The following DHRS12 variants were observed in gnomAD, a reference collection of about 807,000 sequenced individuals.
The protein encoded by DHRS12 is dehydrogenase/reductase SDR family member 12.
DHRS12 carries 29 observed loss-of-function variants against 32.1 expected under a neutral mutation model. The ratio of observed to expected loss-of-function variants is 0.90; its 90% CI spans 0.67 to 1.23. The LOEUF (loss-of-function observed/expected upper bound fraction) is 1.23, where lower values mean the gene tolerates loss of function less well. Among genes scored for constraint, DHRS12 ranks in the 50% most tolerant of loss-of-function variants. DHRS12 has a pLI of 0.00. For missense variants in DHRS12, 330 were observed against 337.2 expected (o/e 0.98, Z 0.17); for synonymous variants, 150 against 135.9 (o/e 1.10, Z -0.72).
chr13:51,799,726 GC>G, intron 1 of DHRS12, 59 bp from the exon 2 acceptor site: 3 of 1,580,634 alleles, frequency 1.9e-6, no homozygotes, highest in Non-Finnish European at 2.6e-6. Context: ...ACAAACCCCT[GC>G]AGGAGAAAGC....
the DHRS12 span, among the ~76,000 whole-genome samples, chr13:51,758,658 AGAAAT>A: frequency 1.4e-4 from 21 of 152,202 alleles, no homozygotes; most frequent in Non-Finnish European, 2.9e-5. Flanking sequence ...CTCTACACAA[AGAAAT>A]AAGACAGAGC....
intron 2 of DHRS12, among the ~76,000 whole-genome samples, chr13:51,791,878 T>C (rs1365743825): frequency 3.3e-5 from 5 of 152,256 alleles, no homozygotes; most frequent in Admixed American, 6.5e-5. Flanking sequence ...GCCTGGCTTA[T>C]TGAACTTGGG....
Position 51,777,119 on chromosome 13 carries a change from C to T in DHRS12, c.304G>A (p.Val102Met), listed in dbSNP as rs1166818770. ...EKNFAANTLG[V>M]YILTTGLIPV... ...ATCAGGCCGGTCGTGAGAATGTACACACCTGAGGCAGCACACAGCATCCCA... is the reference window on the plus strand; with the variant it reads ...ATCAGGCCGGTCGTGAGAATGTACATACCTGAGGCAGCACACAGCATCCCA... The change falls in exon 5 of 9, where the codon GTG (valine) becomes ATG (methionine). Residue 102 changes from valine to methionine, a missense_variant and splice_region_variant. Transcript: ENST00000444610. 3 of 1,613,928 alleles carry T rather than the reference C, an allele frequency of 1.9e-6. No homozygotes were observed. The Admixed American group carries it at 5.0e-5, about 27-fold the overall frequency.
At chr13:51,777,273 T>C in intron 4 of DHRS12, 152 bp from the exon 5 acceptor site, 7 of 720,540 alleles carry the variant, frequency 9.7e-6, no homozygotes, top group South Asian at 1.7e-5. Flanking sequence ...CCGAGGATCC[T>C]TCAAGCCAAA....
At chr13:51,764,646 C>T (rs1258927478), downstream of DHRS12, 1 of 152,270 alleles carries the variant, frequency 6.6e-6, no homozygotes, top group African/African-American at 2.4e-5. Flanking sequence ...AGAGGCTCCT[C>T]CTGCAGCCAA....
chr13:51,783,178 C>T (rs889993276), intron 4 of DHRS12, among the ~76,000 whole-genome samples: 11 of 152,260 alleles, frequency 7.2e-5, no homozygotes, highest in Middle Eastern at 3.4e-3. Context: ...CTCCTTAGGA[C>T]GGCTCCCCGG....
In DHRS12 at chr13:51,802,169, TCACACACACACA is replaced by T. The variant is rs56270918; in HGVS notation, c.-9+1873_-9+1884del. Reference sequence around the variant, plus strand: ...GTCTCTAGATATCAGTCTCTATTTTTCACACACACACACACACACACACACACACACACACAC... The same window carrying T: ...GTCTCTAGATATCAGTCTCTATTTTTCACACACACACACACACACACACAC... On this transcript the variant is annotated intron_variant, in intron 1 of 8. Coordinates refer to ENST00000444610, the MANE Select transcript of DHRS12 (RefSeq NM_001377533.1). Among the ~76,000 whole-genome samples the T allele has an allele frequency of 8.2e-3, 1,148 of 139,832 alleles. 5 individuals are homozygous for T. Among genetic ancestry groups the T allele is most frequent in the East Asian group, 0.018 (84 of 4,658 alleles). The allele number at this position is 139,832 out of a possible 152,430, so 91.7% of individuals were successfully genotyped here.
At chr13:51,773,121 A>G (rs1954113365) in intron 6 of DHRS12, 6 of 941,742 alleles carry the variant, frequency 6.4e-6, no homozygotes, top group Non-Finnish European at 7.6e-6. Flanking sequence ...GCAGAGATAC[A>G]GCAGTACAGG....
chr13:51,789,463 G>T, intron 4 of DHRS12: 1 of 821,244 alleles, frequency 1.2e-6, no homozygotes. Context: ...AGATCTGGGT[G>T]GGGAATCTAA....
downstream of DHRS12, chr13:51,767,148 A>AAAT (rs1349866615): frequency 2.6e-5 from 4 of 152,256 alleles, no homozygotes; most frequent in African/African-American, 7.2e-5. Flanking sequence ...TGGAGAAGAA[A>AAAT]AATAGGTGCA....
In DHRS12 at chr13:51,773,972, T is replaced by C; in HGVS notation, c.426A>G (p.Glu142=). 1 of 1,614,114 alleles carries C rather than the reference T, an allele frequency of 6.2e-7. No homozygotes were observed. Among genetic ancestry groups the C allele is most frequent in the African/African-American group, 1.3e-5 (1 of 75,034 alleles). ...QKLNTNDLQS[E]RTPFDGTMVY... ...CCATAGTTCCATCAAATGGTGTTCT[T>C]TCGGACTGGAGATCATTGGTGTTCA... The change falls in exon 6 of 9, where the codon GAA becomes GAG. Residue 142 remains glutamate (E), a synonymous_variant. Transcript: ENST00000444610.
At chr13:51,777,516 A>C (rs949000977) in intron 4 of DHRS12, 1 of 199,656 alleles carries the variant, frequency 5.0e-6, no homozygotes, top group Non-Finnish European at 1.0e-5. Flanking sequence ...ATTCAGTAAA[A>C]TTTTTCCTTC....
At chr13:51,802,022 T>C (rs1212540722) in intron 1 of DHRS12, among the ~76,000 whole-genome samples, 1 of 152,224 alleles carries the variant, frequency 6.6e-6, no homozygotes, top group Non-Finnish European at 1.5e-5. Context: ...CTCTGTCCTC[T>C]GCCTTGGATC....
In DHRS12 at chr13:51,773,925, C is replaced by T; in HGVS notation, c.468+5G>A. ...ATGCAGTCTCAGGAAACCCACCTCA[C>T]TGACCTTGTTTTGTGCATAGACCAT... On this transcript the variant is annotated splice_donor_5th_base_variant and intron_variant, in intron 6 of 8. Coordinates refer to ENST00000444610, the MANE Select transcript of DHRS12 (RefSeq NM_001377533.1). 1 of 1,613,664 alleles carries T rather than the reference C, an allele frequency of 6.2e-7. No individual in the cohort carries two copies. The highest frequency in any genetic ancestry group is 8.5e-7 in the Non-Finnish European group (1 of 1,179,586).
At chr13:51,787,703 AAT>A (rs1190013278) in intron 4 of DHRS12, among the ~76,000 whole-genome samples, 2 of 140,790 alleles carry the variant, frequency 1.4e-5, no homozygotes, top group African/African-American at 5.2e-5. Flanking sequence ...AATATATATA[AAT>A]ATATAATTTA....
the DHRS12 span, chr13:51,756,659 A>G: frequency 1.0e-6 from 1 of 984,480 alleles, no homozygotes; most frequent in Non-Finnish European, 1.2e-6. Flanking sequence ...GAGAAAATAC[A>G]CTCAAAGAAT....
At chr13:51,793,405 G>A (rs1249279823) in intron 2 of DHRS12, among the ~76,000 whole-genome samples, 1 of 152,162 alleles carries the variant, frequency 6.6e-6, no homozygotes, top group African/African-American at 2.4e-5. Context: ...CCCTGCCTGA[G>A]TTTCCCCATT....
At chr13:51,759,657 A>T in the DHRS12 span, 2 of 1,385,526 alleles carry the variant, frequency 1.4e-6, no homozygotes, top group Non-Finnish European at 1.0e-6. Context: ...AATGAAAAAA[A>T]TTTCCTTGAA....
In DHRS12 at chr13:51,777,117, C is replaced by T; in HGVS notation, c.306G>A (p.Val102=). The T allele has an allele frequency of 6.2e-7, 1 of 1,614,042 alleles. No homozygotes were observed. Reference sequence around the variant, plus strand: ...GGATCAGGCCGGTCGTGAGAATGTACACACCTGAGGCAGCACACAGCATCC... The same window carrying T: ...GGATCAGGCCGGTCGTGAGAATGTATACACCTGAGGCAGCACACAGCATCC... The part of the protein sequence containing the change: ...EKNFAANTLG[V]YILTTGLIPV... Residue 102 remains valine (V), a synonymous_variant, in exon 5 of 9, where the codon GTG becomes GTA. Coordinates refer to ENST00000444610, the MANE Select transcript of DHRS12 (RefSeq NM_001377533.1).
Sources: gnomAD v4.1 joint callset for allele counts (sites outside exome capture counted in the v4.1 genomes callset) on GRCh38, gnomAD v4.1.1 for gene constraint, MANE v1.5 for transcripts, NCBI Gene and HGNC (gene_info 2026-07-23, HGNC 2026-07-21) for gene names.